The following MTAP variants were observed in gnomAD, a reference collection of about 807,000 sequenced individuals.
MTAP encodes methylthioadenosine phosphorylase, also known as S-methyl-5'-thioadenosine phosphorylase.
A neutral mutation model predicts 33.6 loss-of-function variants in MTAP; 33 were observed. That is an observed-to-expected ratio of 0.98 (90% CI 0.74 to 1.31). MTAP has a LOEUF of 1.31. MTAP is among the 40% of genes most tolerant of loss of function. MTAP has a pLI of 0.00. For synonymous variants in MTAP, 148 were observed against 125.7 expected (o/e 1.18, Z -1.19); for missense variants, 367 against 360.0 (o/e 1.02, Z -0.16).
At chr9:21,936,319 C>G (rs1017814514) in exon 8 of MTAP, 1 of 152,204 alleles carries the variant, frequency 6.6e-6, no homozygotes, top group African/African-American at 2.4e-5. Context: ...GTCTTCATCT[C>G]CTGGAACCAC....
chr9:21,820,363 C>T (rs1020849641), intron 4 of MTAP, among the ~76,000 whole-genome samples: 80 of 152,210 alleles, frequency 5.3e-4, no homozygotes, highest in African/African-American at 1.8e-3. Flanking sequence ...CTACACATGG[C>T]TAGCCAGTTT....
chr9:21,870,820 C>G (rs1825924714), downstream of MTAP, among the ~76,000 whole-genome samples: 1 of 144,420 alleles, frequency 6.9e-6, no homozygotes, highest in African/African-American at 2.6e-5. Context: ...GTCTCCCAGG[C>G]TGGAGTGCAG....
At chr9:21,838,036 C>T in intron 5 of MTAP, 26 bp downstream of exon 5, 1 of 1,591,984 alleles carries the variant, frequency 6.3e-7, no homozygotes, top group Non-Finnish European at 8.6e-7. Context: ...GGAAGGTGTA[C>T]CAGAATAAAT....
chr9:21,828,062 C>T (rs1021225803), intron 4 of MTAP, among the ~76,000 whole-genome samples: 2 of 152,184 alleles, frequency 1.3e-5, no homozygotes, highest in Admixed American at 6.5e-5. Context: ...CACATACTGG[C>T]TCTTTCAAGA....
At chr9:21,915,631 T>C (rs1424089557) in intron 1 of MTAP, among the ~76,000 whole-genome samples, 1 of 152,212 alleles carries the variant, frequency 6.6e-6, no homozygotes, top group Non-Finnish European at 1.5e-5. Context: ...ACTCTGAGTA[T>C]ACTTATTTCA....
intron 1 of MTAP, among the ~76,000 whole-genome samples, chr9:21,926,120 C>G (rs1818865552): frequency 6.6e-6 from 1 of 152,154 alleles, no homozygotes; most frequent in Admixed American, 6.5e-5. Flanking sequence ...CCAGACTTTT[C>G]CATTAATCCA....
intron 1 of MTAP, among the ~76,000 whole-genome samples, chr9:21,882,565 C>T (rs1272416987): frequency 6.6e-6 from 1 of 151,938 alleles, no homozygotes; most frequent in African/African-American, 2.4e-5. Flanking sequence ...TTCTCTCTTA[C>T]AAATTGATGT....
At chr9:21,852,053 C>A (rs765855622) in intron 5 of MTAP, among the ~76,000 whole-genome samples, 20 of 152,156 alleles carry the variant, frequency 1.3e-4, no homozygotes, top group Non-Finnish European at 2.6e-4. Context: ...CAATGGAATA[C>A]TACTTAGCCA....
intron 1 of MTAP, among the ~76,000 whole-genome samples, chr9:21,913,548 A>T (rs987823205): frequency 4.6e-5 from 7 of 152,338 alleles, no homozygotes; most frequent in African/African-American, 1.7e-4. Flanking sequence ...TATTTAATAA[A>T]TGGTGCTGGG....
Position 21,888,889 on chromosome 9 carries a change from C to G in MTAP, c.147+34019C>G, listed in dbSNP as rs183529538. Among the ~76,000 whole-genome samples the G allele has an allele frequency of 3.5e-3, 538 of 152,198 alleles. 1 individual carries two copies. Among genetic ancestry groups the G allele is most frequent in the Non-Finnish European group, 5.6e-3 (378 of 67,982 alleles). ...GGAAATAATTTTAAGAACTGTGAGG[C>G]AAAAGCATCATGTAATCTATAAAGG... On this transcript the variant is annotated intron_variant, in intron 1 of 1. Coordinates refer to the MTAP transcript ENST00000577563.
intron 5 of MTAP, among the ~76,000 whole-genome samples, chr9:21,844,013 T>A (rs1313997232): frequency 6.6e-6 from 1 of 151,612 alleles, no homozygotes; most frequent in Non-Finnish European, 1.5e-5. Context: ...AGAGAAAAGA[T>A]CCAAATAAGC....
chr9:21,823,376 T>C (rs1446464366), intron 4 of MTAP, among the ~76,000 whole-genome samples: 1 of 152,222 alleles, frequency 6.6e-6, no homozygotes, highest in Non-Finnish European at 1.5e-5. Flanking sequence ...TTATGAAGCT[T>C]AGTTTGGCTG....
intron 4 of MTAP, among the ~76,000 whole-genome samples, chr9:21,832,868 A>T (rs1184772180): frequency 2.6e-5 from 4 of 152,154 alleles, no homozygotes; most frequent in Non-Finnish European, 5.9e-5. Flanking sequence ...GCTTATTATC[A>T]CAGCTCTAGA....
At position 21,922,829 on chromosome 9, in the gene MTAP, C is replaced by T. The variant is rs1818809697; in HGVS notation, c.148-8179C>T. Among the ~76,000 whole-genome samples, 1 of 152,192 alleles carries T rather than the reference C, an allele frequency of 6.6e-6. No homozygotes were observed. The highest frequency in any genetic ancestry group is 2.4e-5 in the African/African-American group (1 of 41,446). ...ACAGGGGTAGGAAGGACCTTGGAGT[C>T]CACACCATGTAGACCTGAAATACTA... On this transcript the variant is annotated intron_variant, in intron 1 of 1. Transcript: ENST00000577563. This position sits in a 1 kb window ranked among gnomAD's most constrained non-coding sequence, Gnocchi z 4.8.
chr9:21,831,358 A>G (rs1255247212), intron 4 of MTAP, among the ~76,000 whole-genome samples: 2 of 152,134 alleles, frequency 1.3e-5, no homozygotes, highest in Non-Finnish European at 2.9e-5. Context: ...GTTTTTTTAG[A>G]TAGGATCTTT....
rs564047205 is a variant in MTAP, at chr9:21,835,331, G to A, written c.348-2577G>A. On this transcript the variant is annotated intron_variant, in intron 4 of 7. Transcript: ENST00000644715. The stretch of plus-strand genomic sequence containing the variant: ...AGTAGGGATGTTGCTAATACCTCAC[G>A]AAGAAAGAACTTAAAGAAGCTGAGT... Among the ~76,000 whole-genome samples the A allele has an allele frequency of 9.9e-4, 151 of 152,232 alleles. 2 individuals are homozygous for A. The highest frequency in any genetic ancestry group is 3.5e-3 in the African/African-American group (147 of 41,530).
Position 21,917,601 on chromosome 9 carries a change from G to T in MTAP, c.148-13407G>T, listed in dbSNP as rs375860899. Reference sequence around the variant, plus strand: ...AAAAGTCAAAAAGCAATAGATGTTGGCATGGATGTGGTGCAAAGGGAACAT... The same window carrying T: ...AAAAGTCAAAAAGCAATAGATGTTGTCATGGATGTGGTGCAAAGGGAACAT... On this transcript the variant is annotated intron_variant, in intron 1 of 1. Coordinates refer to the MTAP transcript ENST00000577563. Among the ~76,000 whole-genome samples, 372 of 152,290 alleles carry T rather than the reference G, an allele frequency of 2.4e-3. 1 individual carries two copies. The highest frequency in any genetic ancestry group is 8.2e-3 in the African/African-American group (341 of 41,558).
intron 1 of MTAP, among the ~76,000 whole-genome samples, chr9:21,916,493 C>G (rs1662335994): frequency 6.6e-6 from 1 of 152,076 alleles, no homozygotes; most frequent in Non-Finnish European, 1.5e-5. Flanking sequence ...ACTTGTAATC[C>G]TAGCTACTCC....
At chr9:21,808,429 A>G (rs1387003329) in intron 1 of MTAP, among the ~76,000 whole-genome samples, 1 of 151,848 alleles carries the variant, frequency 6.6e-6, no homozygotes, top group Non-Finnish European at 1.5e-5. Flanking sequence ...TGCAAAAAAA[A>G]AAAACAAAAA....
Sources: allele counts gnomAD v4.1 joint callset (sites outside exome capture counted in the v4.1 genomes callset), GRCh38; gene constraint gnomAD v4.1.1; non-coding constraint Gnocchi (gnomAD v3.1); transcripts MANE v1.5; gene names NCBI Gene and HGNC (gene_info 2026-07-23, HGNC 2026-07-21).